Variants in FUT9 observed in about 807,000 individuals in gnomAD.
FUT9 encodes the protein fucosyltransferase 9.
A neutral mutation model predicts 29.7 loss-of-function variants in FUT9; 15 were observed. The ratio of observed to expected loss-of-function variants is 0.51; its 90% confidence interval spans 0.34 to 0.78. The LOEUF is 0.78. FUT9 is among the 30% of genes least tolerant of loss of function. The pLI is 0.01. For synonymous variants in FUT9, 169 were observed against 153.7 expected, an observed-to-expected ratio of 1.10 and a Z score of -0.74; for missense variants, 319 against 425.4, an observed-to-expected ratio of 0.75 and a Z score of 2.20.
At chr6:96,148,729 T>C (rs1248772882) in intron 2 of FUT9, among the ~76,000 whole-genome samples, 1 of 152,180 alleles carries the variant, frequency 6.6e-6, no homozygotes, top group Non-Finnish European at 1.5e-5. Context: ...ACTCCTATAG[T>C]AGTGTAGATA....
chr6:96,207,378 T>C lies in FUT9; in HGVS notation c.*3143T>C, dbSNP rs12212512. 23,950 of 167,068 alleles carry C rather than the reference T, an allele frequency of 0.14. 1,922 individuals are homozygous for C. Among genetic ancestry groups the C allele is most frequent in the Non-Finnish European group, 0.18 (12,340 of 68,070 alleles). The allele number at this position is 167,068 out of a possible 1,614,324, so 10.3% of individuals were successfully genotyped here. Reference sequence around the variant, plus strand: ...CTCAATTTTTACAAATGTGAATGTCTTATTGGTATTTTTAGGGCCTATAGA... The same window carrying C: ...CTCAATTTTTACAAATGTGAATGTCCTATTGGTATTTTTAGGGCCTATAGA... On this transcript the variant is annotated 3_prime_UTR_variant, in exon 3 of 3. Coordinates refer to ENST00000302103, the MANE Select transcript of FUT9 (RefSeq NM_006581.4).
chr6:96,144,693 T>G (rs1309285437), intron 2 of FUT9, among the ~76,000 whole-genome samples: 2 of 152,192 alleles, frequency 1.3e-5, no homozygotes, highest in Non-Finnish European at 2.9e-5. Flanking sequence ...TAAGATCTAT[T>G]ATCAAACATT....
chr6:96,108,963 T>G (rs972922840), intron 1 of FUT9, among the ~76,000 whole-genome samples: 16 of 151,824 alleles, frequency 1.1e-4, no homozygotes, highest in African/African-American at 3.9e-4. Flanking sequence ...CCCTACCAAC[T>G]CTCTGTTACA....
chr6:96,046,773 T>C (rs1346695179), intron 1 of FUT9, among the ~76,000 whole-genome samples: 1 of 152,220 alleles, frequency 6.6e-6, no homozygotes, highest in Non-Finnish European at 1.5e-5. Flanking sequence ...TGTACATCTG[T>C]TCCAAAATTC....
chr6:96,193,538 A>T (rs1028373541), intron 2 of FUT9, among the ~76,000 whole-genome samples: 1 of 151,804 alleles, frequency 6.6e-6, no homozygotes, highest in African/African-American at 2.4e-5. Flanking sequence ...GCAATCATGA[A>T]AAAATCAGGA....
intron 2 of FUT9, among the ~76,000 whole-genome samples, chr6:96,129,726 TATTA>T (rs1008232381): frequency 6.6e-6 from 1 of 151,984 alleles, no homozygotes; most frequent in Non-Finnish European, 1.5e-5. Context: ...TAAAATTTGG[TATTA>T]ATTATTTTAT....
chr6:96,158,304 C>T (rs995427273), intron 2 of FUT9, among the ~76,000 whole-genome samples: 1 of 151,968 alleles, frequency 6.6e-6, no homozygotes, highest in African/African-American at 2.4e-5. Flanking sequence ...GGATTTTCCC[C>T]ACTGTGCAGG....
rs377657453 is a variant in FUT9, at chr6:96,153,540, G to A, written c.-9+39413G>A. Among the ~76,000 whole-genome samples the A allele has an allele frequency of 4.6e-5, 7 of 152,246 alleles. No individual in the cohort carries two copies. The East Asian group carries it at 7.7e-4, about 17-fold the overall frequency. On this transcript the variant is annotated intron_variant, in intron 2 of 2. Coordinates refer to ENST00000302103, the MANE Select transcript of FUT9 (RefSeq NM_006581.4). The stretch of plus-strand genomic sequence containing the variant: ...TTGAGAAATATTCTGAAAAATCAGA[G>A]TCAGACTGATTTTGGTTAGAAAATA...
rs569227942 is a variant in FUT9, at chr6:96,162,844, C to T, written c.-8-40304C>T. On this transcript the variant is annotated intron_variant, in intron 2 of 2. Coordinates refer to ENST00000302103, the MANE Select transcript of FUT9 (RefSeq NM_006581.4). ...CCTTTTGGCCTGCCATTAATGTGTACGTGGTAGAGAGGTATTCTTTAATCT... is the reference window on the plus strand; with the variant it reads ...CCTTTTGGCCTGCCATTAATGTGTATGTGGTAGAGAGGTATTCTTTAATCT... Among the ~76,000 whole-genome samples, 6 of 152,214 alleles carry T rather than the reference C, an allele frequency of 3.9e-5. No individual in the cohort carries two copies. In the South Asian group the frequency reaches 8.3e-4, roughly 21 times the overall value.
chr6:96,197,033 G>A (rs1773640003), intron 2 of FUT9, among the ~76,000 whole-genome samples: 1 of 152,058 alleles, frequency 6.6e-6, no homozygotes, highest in South Asian at 2.1e-4. Context: ...GATAATGAGT[G>A]GTGAAAGACA....
rs1157691799 is a variant in FUT9, at chr6:96,203,168, T to A, written c.13T>A (p.Ser5Thr). 1 of 1,596,280 alleles carries A rather than the reference T, an allele frequency of 6.3e-7. No individual in the cohort carries two copies. The highest frequency in any genetic ancestry group is 1.7e-5 in the Admixed American group (1 of 59,004). The change falls in exon 3 of 3, where the codon TCC (serine) becomes ACC (threonine). Residue 5 changes from serine to threonine, a missense_variant. Physicochemically the swap from Ser to Thr is moderately conservative, Grantham distance 58 (BLOSUM62 1). Coordinates refer to ENST00000302103, the MANE Select transcript of FUT9 (RefSeq NM_006581.4). The stretch of plus-strand genomic sequence containing the variant: ...CGTAGGAAAAATTATGACATCAACA[T>A]CCAAAGGAATTCTTCGCCCATTTTT... The part of the protein sequence containing the change: MTST[S>T]KGILRPFLIV...
intron 1 of FUT9, among the ~76,000 whole-genome samples, chr6:96,111,714 C>T (rs985649904): frequency 2.6e-5 from 4 of 151,924 alleles, no homozygotes; most frequent in East Asian, 1.9e-4. Context: ...TTGAAAGCAC[C>T]GAATCAGATG....
At chr6:96,120,029 C>T (rs954780660) in intron 2 of FUT9, among the ~76,000 whole-genome samples, 5 of 151,834 alleles carry the variant, frequency 3.3e-5, no homozygotes, top group Non-Finnish European at 7.4e-5. Flanking sequence ...ATATATTTAA[C>T]CCTCATTTGT....
In FUT9 at chr6:96,022,591, A is replaced by C. The variant is rs150537498; in HGVS notation, c.-98+6379A>C. 3.6e-3 allele frequency among the ~76,000 whole-genome samples: 542 copies of C among 152,060 alleles called. 4 individuals carry two copies. The highest frequency in any genetic ancestry group is 0.013 in the African/African-American group (529 of 41,524). ...GCAGATCTGGCAGAGAGTTAAATTTAAGGCACTTGCAACAGTTGAATGAGC... is the reference window on the plus strand; with the variant it reads ...GCAGATCTGGCAGAGAGTTAAATTTCAGGCACTTGCAACAGTTGAATGAGC... On this transcript the variant is annotated intron_variant, in intron 1 of 2. Transcript: ENST00000302103.
intron 2 of FUT9, among the ~76,000 whole-genome samples, chr6:96,170,103 T>C (rs1773084105): frequency 1.3e-5 from 2 of 152,164 alleles, no homozygotes; most frequent in Non-Finnish European, 2.9e-5. Flanking sequence ...AATATAATAT[T>C]TCAGAGAAGG....
intron 2 of FUT9, among the ~76,000 whole-genome samples, chr6:96,128,997 C>T (rs1032226174): frequency 6.6e-6 from 1 of 151,626 alleles, no homozygotes; most frequent in Non-Finnish European, 1.5e-5. Flanking sequence ...GTGGCTCATG[C>T]CTGTAATTCC....
chr6:96,091,142 G>T (rs1368107274), intron 1 of FUT9, among the ~76,000 whole-genome samples: 1 of 151,968 alleles, frequency 6.6e-6, no homozygotes, highest in Admixed American at 6.6e-5. Flanking sequence ...TCTTAAGCAA[G>T]TGATGTAACT....
chr6:96,088,503 A>T (rs1582221065), intron 1 of FUT9, among the ~76,000 whole-genome samples: 1 of 150,886 alleles, frequency 6.6e-6, no homozygotes, highest in East Asian at 2.0e-4. Context: ...ATTTCCCCAT[A>T]GCTGTATGAT....
At chr6:96,136,342 T>C (rs1772349377) in intron 2 of FUT9, among the ~76,000 whole-genome samples, 1 of 151,872 alleles carries the variant, frequency 6.6e-6, no homozygotes, top group Non-Finnish European at 1.5e-5. Context: ...AAAAGTTAGA[T>C]TCAATGAGAA....
Sources: allele counts gnomAD v4.1 joint callset (sites outside exome capture counted in the v4.1 genomes callset), GRCh38; gene constraint gnomAD v4.1.1; transcripts MANE v1.5; gene names NCBI Gene and HGNC (gene_info 2026-07-23, HGNC 2026-07-21).